Variants in CLINT1 observed in about 807,000 individuals in gnomAD.
CLINT1 encodes the protein clathrin interacting protein localized in the trans-Golgi region.
CLINT1 carries 15 observed loss-of-function variants against 70.4 expected under a neutral mutation model. The ratio of observed to expected loss-of-function variants is 0.21; its 90% CI spans 0.14 to 0.33. The LOEUF (loss-of-function observed/expected upper bound fraction) is 0.33. Among genes scored for constraint, CLINT1 ranks in the 10% least tolerant of loss-of-function variants. CLINT1 has a pLI of 1.00. For missense variants in CLINT1, 615 were observed against 778.1 expected (o/e 0.79, Z 2.49); for synonymous variants, 227 against 254.7 (o/e 0.89, Z 1.04).
chr5:157,830,513 G>A (rs1329916517), intron 1 of CLINT1, among the ~76,000 whole-genome samples: 1 of 151,836 alleles, frequency 6.6e-6, no homozygotes, highest in African/African-American at 2.4e-5. Context: ...CTTTTCGTAA[G>A]AGTAAATGCT....
intron 5 of CLINT1, among the ~76,000 whole-genome samples, chr5:157,810,865 T>C (rs17606842): frequency 0.13 from 19,910 of 152,266 alleles, 1,533 homozygotes; most frequent in Non-Finnish European, 0.19. Flanking sequence ...AAAGGATACA[T>C]AGCCTTTGGA....
intron 1 of CLINT1, among the ~76,000 whole-genome samples, chr5:157,845,993 G>A (rs966175191): frequency 1.6e-4 from 24 of 152,232 alleles, no homozygotes; most frequent in African/African-American, 5.5e-4. Flanking sequence ...ATAGTAAGTT[G>A]AATGTGTCCT....
intron 1 of CLINT1, among the ~76,000 whole-genome samples, chr5:157,837,583 A>C (rs527380451): frequency 5.3e-5 from 8 of 152,256 alleles, no homozygotes; most frequent in Non-Finnish European, 1.0e-4. Flanking sequence ...GAAGGCTACA[A>C]AGATACTACT....
intron 1 of CLINT1, among the ~76,000 whole-genome samples, chr5:157,839,055 C>A (rs1225215745): frequency 6.6e-6 from 1 of 151,366 alleles, no homozygotes; most frequent in Non-Finnish European, 1.5e-5. Context: ...ATGGCAAAAC[C>A]CCATCTCTAC....
chr5:157,818,155 T>C (rs1287956361), intron 1 of CLINT1, among the ~76,000 whole-genome samples: 4 of 152,196 alleles, frequency 2.6e-5, no homozygotes, highest in African/African-American at 7.2e-5. Context: ...TAATATTCCA[T>C]CAGGAGATTG....
At chr5:157,829,562 C>A (rs897710713) in intron 1 of CLINT1, among the ~76,000 whole-genome samples, 3 of 152,118 alleles carry the variant, frequency 2.0e-5, no homozygotes, top group Admixed American at 2.0e-4. Context: ...TTCCAATTGC[C>A]CAGGCTGGAG....
At chr5:157,796,899 T>C (rs1208382907) in intron 8 of CLINT1, among the ~76,000 whole-genome samples, 2 of 152,110 alleles carry the variant, frequency 1.3e-5, no homozygotes, top group Admixed American at 6.5e-5. Flanking sequence ...TATATATATA[T>C]ATATATATCT....
In CLINT1 at chr5:157,838,971, A is replaced by G. The variant is rs112718529; in HGVS notation, c.41+19959T>C. Among the ~76,000 whole-genome samples, 100 of 152,368 alleles carry G rather than the reference A, an allele frequency of 6.6e-4. 1 individual carries two copies. Among genetic ancestry groups the G allele is most frequent in the African/African-American group, 2.2e-3 (93 of 41,592 alleles). ...TGAAACAGACCAGGTGTGCTGGCTC[A>G]TGCCTATAATCCCAGCACTTTGGGA... On this transcript the variant is annotated intron_variant, in intron 1 of 11. Coordinates refer to ENST00000411809, the MANE Select transcript of CLINT1 (RefSeq NM_014666.4).
Position 157,830,794 on chromosome 5 carries a change from C to CTATA in CLINT1, c.42-13248_42-13247insTATA, listed in dbSNP as rs1190577088. The stretch of plus-strand genomic sequence containing the variant: ...TCTCTCTCTCTCTCTCTCTCTCTCT[C>CTATA]TCTATATATATATATATATATAGAA... On this transcript the variant is annotated intron_variant, in intron 1 of 11. Coordinates refer to ENST00000411809, the MANE Select transcript of CLINT1 (RefSeq NM_014666.4). Among the ~76,000 whole-genome samples the CTATA allele has an allele frequency of 9.5e-3, 1,010 of 106,534 alleles. 3 individuals carry two copies. Among genetic ancestry groups the CTATA allele is most frequent in the Middle Eastern group, 0.014 (3 of 222 alleles). 69.9% of individuals were successfully genotyped at this position (106,534 alleles called of 152,430 possible).
At chr5:157,800,233 T>TCA (rs950625978) in intron 8 of CLINT1, among the ~76,000 whole-genome samples, 24 of 152,088 alleles carry the variant, frequency 1.6e-4, no homozygotes, top group African/African-American at 5.8e-4. Flanking sequence ...GAACATGTAA[T>TCA]CACACACACA....
At chr5:157,815,944 C>T (rs1014745871) in intron 3 of CLINT1, among the ~76,000 whole-genome samples, 2 of 152,120 alleles carry the variant, frequency 1.3e-5, no homozygotes, top group African/African-American at 4.8e-5. Context: ...CTAAAATGTC[C>T]TTATGTGGTA....
rs747530426 is a variant in CLINT1 at position 157,794,986 on chromosome 5, A to G, written c.1013-14T>C. Reference sequence around the variant, plus strand: ...CAGCTGATCCTCCTAGAAGTTAAGAAAAAGTTAAAACTGTTAGAACTAGAG... The same window carrying G: ...CAGCTGATCCTCCTAGAAGTTAAGAGAAAGTTAAAACTGTTAGAACTAGAG... On this transcript the variant is annotated splice_polypyrimidine_tract_variant and intron_variant, in intron 8 of 11. Coordinates refer to ENST00000411809, the MANE Select transcript of CLINT1 (RefSeq NM_014666.4). 14 of 1,548,524 alleles carry G rather than the reference A, an allele frequency of 9.0e-6. No individual in the cohort carries two copies. The highest frequency in any genetic ancestry group is 1.0e-5 in the Non-Finnish European group (12 of 1,144,242).
intron 1 of CLINT1, among the ~76,000 whole-genome samples, chr5:157,857,138 T>C (rs186978776): frequency 7.9e-5 from 12 of 151,666 alleles, no homozygotes; most frequent in Admixed American, 3.3e-4. Flanking sequence ...TCCTGGCCAC[T>C]TGGGAGGCTG....
intron 2 of CLINT1, 28 bp from the exon 3 acceptor site, chr5:157,816,858 C>A: frequency 6.7e-7 from 1 of 1,500,064 alleles, no homozygotes. Flanking sequence ...CTTTAAGAGT[C>A]TGCAATATAT....
chr5:157,812,999 A>C, intron 5 of CLINT1, 64 bp downstream of exon 5: 1 of 1,505,206 alleles, frequency 6.6e-7, no homozygotes, highest in South Asian at 1.3e-5. Flanking sequence ...TATTTCACTG[A>C]TTCTTAAAAT....
At chr5:157,809,477 TA>T in intron 6 of CLINT1, 150 bp downstream of exon 6, 1 of 582,812 alleles carries the variant, frequency 1.7e-6, no homozygotes, top group Non-Finnish European at 2.8e-6. Context: ...TAAATTGCTC[TA>T]AAAACAAATG....
chr5:157,799,398 A>ACATTT (rs1243962718), intron 8 of CLINT1, among the ~76,000 whole-genome samples: 1 of 152,126 alleles, frequency 6.6e-6, no homozygotes, highest in Non-Finnish European at 1.5e-5. Context: ...AATGTAATAC[A>ACATTT]CATTTCGGAT....
intron 10 of CLINT1, chr5:157,789,727 C>A (rs2113121169): frequency 4.8e-6 from 3 of 630,810 alleles, no homozygotes; most frequent in Middle Eastern, 8.7e-4. Context: ...CAAAGAGGTT[C>A]CTCTGAAGTC....
chr5:157,857,697 T>C (rs925387663), intron 1 of CLINT1, among the ~76,000 whole-genome samples: 2 of 152,214 alleles, frequency 1.3e-5, no homozygotes, highest in South Asian at 4.1e-4. Flanking sequence ...GATAAGTAAC[T>C]TCCCCAAGGT....
Sources: gnomAD v4.1 joint callset for allele counts (sites outside exome capture counted in the v4.1 genomes callset) on GRCh38, gnomAD v4.1.1 for gene constraint, MANE v1.5 for transcripts, NCBI Gene and HGNC (gene_info 2026-07-23, HGNC 2026-07-21) for gene names.